FAM120B: variants seen among roughly 807,000 people sequenced by gnomAD.
FAM120B encodes family with sequence similarity 120 member B.
In FAM120B, 83 loss-of-function variants were observed where a neutral mutation model predicts 96.3. The ratio of observed to expected loss-of-function variants is 0.86; its 90% CI spans 0.72 to 1.03. The LOEUF (loss-of-function observed/expected upper bound fraction) is 1.03. Among genes scored for constraint, FAM120B ranks in the 50% least tolerant of loss-of-function variants. FAM120B has a pLI of 0.00. For synonymous variants in FAM120B, 407 were observed against 402.7 expected (o/e 1.01, Z -0.13); for missense variants, 1,027 against 1,121.2 (o/e 0.92, Z 1.20).
At chr6:170,313,768 A>G (rs1039627638) in intron 1 of FAM120B, among the ~76,000 whole-genome samples, 3 of 152,108 alleles carry the variant, frequency 2.0e-5, no homozygotes, top group East Asian at 1.9e-4. Flanking sequence ...GCTTATTACT[A>G]CTTGCCTGAG....
At chr6:170,397,533 C>A (rs1242157361) in intron 9 of FAM120B, among the ~76,000 whole-genome samples, 1 of 152,100 alleles carries the variant, frequency 6.6e-6, no homozygotes, top group Non-Finnish European at 1.5e-5. Context: ...AGAAGCTTGA[C>A]CCAGGTGATT....
At chr6:170,404,209 G>C (rs1224387464) in intron 9 of FAM120B, 2 of 230,234 alleles carry the variant, frequency 8.7e-6, no homozygotes, top group African/African-American at 4.5e-5. Flanking sequence ...TGTGTTGGCA[G>C]AACGTCCATG....
chr6:170,319,228 A>T (rs569197894), intron 2 of FAM120B, 104 bp downstream of exon 2: 4 of 1,141,080 alleles, frequency 3.5e-6, no homozygotes, highest in South Asian at 1.6e-5. Flanking sequence ...CACTGAGAGG[A>T]TGCACAACAG....
intron 5 of FAM120B, among the ~76,000 whole-genome samples, chr6:170,350,124 A>G (rs1398741439): frequency 6.6e-6 from 1 of 152,192 alleles, no homozygotes. Flanking sequence ...AGAGTTTTAC[A>G]TACTCCGGCT....
intron 8 of FAM120B, among the ~76,000 whole-genome samples, chr6:170,393,243 G>A (rs1401372392): frequency 1.3e-5 from 2 of 152,088 alleles, no homozygotes; most frequent in Non-Finnish European, 2.9e-5. Flanking sequence ...CATGACAAGC[G>A]GCTGAGAGAC....
At chr6:170,349,610 C>G (rs1326099696) in intron 5 of FAM120B, among the ~76,000 whole-genome samples, 3 of 152,146 alleles carry the variant, frequency 2.0e-5, no homozygotes, top group Admixed American at 1.3e-4. Context: ...TTTGCATTAC[C>G]ATTTTGAGTA....
intron 1 of FAM120B, among the ~76,000 whole-genome samples, chr6:170,296,490 G>A (rs1389164264): frequency 6.6e-6 from 1 of 151,836 alleles, no homozygotes; most frequent in Non-Finnish European, 1.5e-5. Context: ...CCCAGTCGCC[G>A]TCGTGACGGC....
At chr6:170,351,928 C>A (rs1302871074) in intron 5 of FAM120B, among the ~76,000 whole-genome samples, 1 of 152,170 alleles carries the variant, frequency 6.6e-6, no homozygotes, top group East Asian at 1.9e-4. Flanking sequence ...GGATCAAATT[C>A]ACACAGAACA....
intron 6 of FAM120B, among the ~76,000 whole-genome samples, chr6:170,361,318 GCATAGTA>G: frequency 6.8e-6 from 1 of 147,662 alleles, no homozygotes; most frequent in East Asian, 2.0e-4. Flanking sequence ...GTGTAAAGGT[GCATAGTA>G]CATATTTATG....
chr6:170,368,744 A>G (rs188825508), intron 6 of FAM120B, among the ~76,000 whole-genome samples: 156 of 144,454 alleles, frequency 1.1e-3, no homozygotes, highest in African/African-American at 3.6e-3. Flanking sequence ...CTAAAACCAC[A>G]GACATTCCCT....
chr6:170,352,607 A>C (rs1028868169), intron 5 of FAM120B, among the ~76,000 whole-genome samples: 1 of 152,216 alleles, frequency 6.6e-6, no homozygotes, highest in Non-Finnish European at 1.5e-5. Flanking sequence ...TCATATTTGA[A>C]CTCAAGATTA....
At chr6:170,326,086 A>G (rs1017542387) in intron 3 of FAM120B, among the ~76,000 whole-genome samples, 18 of 152,180 alleles carry the variant, frequency 1.2e-4, no homozygotes, top group Non-Finnish European at 5.9e-5. Context: ...TGAAATAATT[A>G]CGGATTCACA....
intron 5 of FAM120B, among the ~76,000 whole-genome samples, chr6:170,357,245 G>A (rs1405127977): frequency 6.6e-6 from 1 of 152,090 alleles, no homozygotes; most frequent in African/African-American, 2.4e-5. Context: ...TTCAGTCAGC[G>A]GGCACGTCCT....
Position 170,352,239 on chromosome 6 carries a change from A to G in FAM120B, c.2190+3916A>G, listed in dbSNP as rs115506040. Among the ~76,000 whole-genome samples, 529 of 152,346 alleles carry G rather than the reference A, an allele frequency of 3.5e-3. 10 individuals carry two copies. Among genetic ancestry groups the G allele is most frequent in the African/African-American group, 0.012 (509 of 41,582 alleles). Reference sequence around the variant, plus strand: ...TTCAATTTAACAAGAAGAGCTAACTATCCTATGTATGTATGCACCCAGTAC... The same window carrying G: ...TTCAATTTAACAAGAAGAGCTAACTGTCCTATGTATGTATGCACCCAGTAC... On this transcript the variant is annotated intron_variant, in intron 5 of 10. Transcript: ENST00000476287.
upstream of FAM120B, among the ~76,000 whole-genome samples, chr6:170,294,885 A>G (rs139921896): frequency 1.1e-3 from 171 of 152,286 alleles, 5 homozygotes; most frequent in East Asian, 0.03. The surrounding 1 kb of genome is among the most constrained non-coding windows in gnomAD (Gnocchi z 7.9). Context: ...TCTTATTCGT[A>G]AGAAGAATTA....
chr6:170,390,082 A>G (rs1790403347), intron 7 of FAM120B, among the ~76,000 whole-genome samples: 1 of 152,224 alleles, frequency 6.6e-6, no homozygotes, highest in African/African-American at 2.4e-5. Context: ...CTCATTTGGA[A>G]TGTGTTTTAA....
upstream of FAM120B, chr6:170,291,126 C>T: frequency 3.8e-6 from 2 of 532,766 alleles, no homozygotes; most frequent in Non-Finnish European, 7.1e-6. Flanking sequence ...CCTTCCCCGC[C>T]CCCCCAGTCC....
intron 6 of FAM120B, among the ~76,000 whole-genome samples, chr6:170,385,545 C>T (rs1398552072): frequency 6.6e-6 from 1 of 152,144 alleles, no homozygotes; most frequent in African/African-American, 2.4e-5. Flanking sequence ...AGTTCTCCCT[C>T]CTTGCTGGTG....
At chr6:170,378,949 C>G (rs9460127) in intron 6 of FAM120B, among the ~76,000 whole-genome samples, 1 of 152,148 alleles carries the variant, frequency 6.6e-6, no homozygotes, top group Non-Finnish European at 1.5e-5. Context: ...GGGGGTGTGC[C>G]TGTGTCAGGC....
Sources: allele counts gnomAD v4.1 joint callset (sites outside exome capture counted in the v4.1 genomes callset), GRCh38; gene constraint gnomAD v4.1.1; non-coding constraint Gnocchi (gnomAD v3.1); transcripts MANE v1.5; gene names NCBI Gene and HGNC (gene_info 2026-07-23, HGNC 2026-07-21).